BTN3A2: variants seen among roughly 807,000 people sequenced by gnomAD.
BTN3A2 encodes butyrophilin subfamily 3 member A2.
Under a neutral mutation model 37.6 loss-of-function variants are expected in BTN3A2, and 25 were observed. That is an observed-to-expected ratio of 0.66 (90% CI 0.48 to 0.93). The LOEUF (loss-of-function observed/expected upper bound fraction) is 0.93. BTN3A2 is among the 40% of genes least tolerant of loss of function. BTN3A2 has a pLI of 0.00. For missense variants in BTN3A2, 266 were observed against 410.9 expected (o/e 0.65, Z 3.05); for synonymous variants, 122 against 159.4 (o/e 0.77, Z 1.77).
chr6:26,369,718 T>A (rs1044493627), intron 4 of BTN3A2, among the ~76,000 whole-genome samples: 2 of 152,186 alleles, frequency 1.3e-5, no homozygotes, highest in African/African-American at 2.4e-5. Context: ...TGCTCACATA[T>A]GATGTGGGGT....
intron 9 of BTN3A2, 68 bp downstream of exon 9, chr6:26,374,441 C>T: frequency 6.8e-7 from 1 of 1,468,370 alleles, no homozygotes; most frequent in Non-Finnish European, 9.5e-7. Flanking sequence ...TGGATGTTCT[C>T]AGCTGGATTA....
At chr6:26,370,733 C>A in intron 5 of BTN3A2, 130 bp downstream of exon 5, 1 of 1,455,334 alleles carries the variant, frequency 6.9e-7, no homozygotes, top group Non-Finnish European at 9.2e-7. Flanking sequence ...GACCTGGAGG[C>A]TCCTCTTTGT....
chr6:26,373,572 G>C, intron 8 of BTN3A2, 159 bp downstream of exon 8: 1 of 358,942 alleles, frequency 2.8e-6, no homozygotes, highest in Non-Finnish European at 4.6e-6. Context: ...AAACCACCCA[G>C]TGCTTTTTCT....
chr6:26,377,097 C>G lies in BTN3A2; in HGVS notation c.*1335C>G. On this transcript the variant is annotated 3_prime_UTR_variant, in exon 11 of 11. Transcript: ENST00000377708. The stretch of plus-strand genomic sequence containing the variant: ...CACTGCCCTGACCGTTTGCCCAATA[C>G]CAAAAGTAGAGAGTTCCCCCGATCC... The G allele has an allele frequency of 1.5e-6, 2 of 1,332,338 alleles. No homozygotes were observed. The highest frequency in any genetic ancestry group is 2.3e-5 in the South Asian group (2 of 85,240). The allele number at this position is 1,332,338 out of a possible 1,614,324, so 82.5% of individuals were successfully genotyped here. A position where few individuals can be genotyped will look rare whatever the true frequency, so the allele number is the denominator to read the frequency against.
intron 4 of BTN3A2, 77 bp downstream of exon 4, chr6:26,368,989 A>T: frequency 1.1e-6 from 1 of 894,512 alleles, no homozygotes; most frequent in Non-Finnish European, 1.7e-6. Context: ...TTGCAAAAGC[A>T]CTGCAGACAC....
Position 26,365,205 on chromosome 6 carries a change from A to G in BTN3A2, c.-214A>G, listed in dbSNP as rs964303646. The G allele has an allele frequency of 7.3e-5, 85 of 1,159,258 alleles. No individual in the cohort carries two copies. The highest frequency in any genetic ancestry group is 1.1e-4 in the African/African-American group (7 of 64,860). The allele number at this position is 1,159,258 out of a possible 1,614,324, so 71.8% of individuals were successfully genotyped here. On this transcript the variant is annotated 5_prime_UTR_variant, in exon 1 of 11. Transcript: ENST00000377708. The stretch of plus-strand genomic sequence containing the variant: ...CTAATTCTTCCAAAGAGCGACTCTT[A>G]CTGTTTCTCATGGTGAGAAGACAAT...
chr6:26,374,277 C>G, intron 8 of BTN3A2, 50 bp from the exon 9 acceptor site: 2 of 1,164,218 alleles, frequency 1.7e-6, no homozygotes, highest in South Asian at 2.6e-5. Context: ...AAGGGGCCAA[C>G]ACAGAAAAGG....
chr6:26,375,157 G>C (rs1760588245), intron 10 of BTN3A2: 1 of 247,242 alleles, frequency 4.0e-6, no homozygotes, highest in Non-Finnish European at 7.7e-6. Context: ...TGGGGGTTGA[G>C]GTGAAGACTG....
intron 8 of BTN3A2, chr6:26,374,119 C>T (rs541140022): frequency 4.0e-4 from 196 of 485,476 alleles, no homozygotes; most frequent in Non-Finnish European, 6.2e-4. Context: ...AGCGTTCAAC[C>T]GATGTTCCCA....
Position 26,374,326 on chromosome 6 carries a change from G to A in BTN3A2, c.965-1G>A, listed in dbSNP as rs1299775807. 1 of 1,612,902 alleles carries A rather than the reference G, an allele frequency of 6.2e-7. No homozygotes were observed. Among genetic ancestry groups the A allele is most frequent in the Non-Finnish European group, 8.5e-7 (1 of 1,179,640 alleles). ...ACACCTCTACCTTTCTTTCATTGTA[G>A]GTGGAGAGGAGTCTTCGTCCGATAC... On this transcript the variant is annotated splice_acceptor_variant, in intron 8 of 10. Transcript: ENST00000377708. LOFTEE classifies it high-confidence loss of function.
At position 26,376,883 on chromosome 6, in the gene BTN3A2, G is replaced by T. The variant is rs1760746857; in HGVS notation, c.*1121G>T. ...GCCTGACTGATGGGAATAAGTATCG[G>T]GCTCTCACTGAGCCCAGAACCAACC... On this transcript the variant is annotated 3_prime_UTR_variant, in exon 11 of 11. Transcript: ENST00000377708. 2 of 1,613,958 alleles carry T rather than the reference G, an allele frequency of 1.2e-6. No individual in the cohort carries two copies. The highest frequency in any genetic ancestry group is 1.7e-6 in the Non-Finnish European group (2 of 1,179,956).
chr6:26,365,589 A>G (rs1289371602), intron 1 of BTN3A2, among the ~76,000 whole-genome samples: 1 of 152,158 alleles, frequency 6.6e-6, no homozygotes, highest in African/African-American at 2.4e-5. Flanking sequence ...ACTGCAAAGT[A>G]TAAGGAACTG....
At chr6:26,374,620 A>G in intron 9 of BTN3A2, 151 bp from the exon 10 acceptor site, 1 of 974,546 alleles carries the variant, frequency 1.0e-6, no homozygotes, top group South Asian at 1.6e-5. Flanking sequence ...AGAAGGTGCC[A>G]CCTCTGATCC....
At chr6:26,373,529 C>G in intron 8 of BTN3A2, 116 bp downstream of exon 8, 1 of 1,194,440 alleles carries the variant, frequency 8.4e-7, no homozygotes. Context: ...ATCCCTTTAC[C>G]CAGAAAAAGA....
In BTN3A2 at chr6:26,377,516, TGGTGGGTGTCACTCC is replaced by T; in HGVS notation, c.*1755_*1769del. 1 of 320,176 alleles carries T rather than the reference TGGTGGGTGTCACTCC, an allele frequency of 3.1e-6. No homozygotes were observed. Among genetic ancestry groups the T allele is most frequent in the South Asian group, 3.0e-5 (1 of 33,476 alleles). The allele number at this position is 320,176 out of a possible 1,614,324, so 19.8% of individuals were successfully genotyped here. ...GTTCTGAGTGCTGTGTTATGAGCTT[TGGTGGGTGTCACTCC>T]TTTAATCCTCACAACACCCTGTCAG... On this transcript the variant is annotated 3_prime_UTR_variant, in exon 11 of 11. Transcript: ENST00000377708.
chr6:26,374,002 T>G (rs1246804692), intron 8 of BTN3A2: 1 of 265,620 alleles, frequency 3.8e-6, no homozygotes, highest in Non-Finnish European at 7.0e-6. Flanking sequence ...CTTGTACTCC[T>G]AGGCATACAC....
At chr6:26,374,189 A>C in intron 8 of BTN3A2, 138 bp from the exon 9 acceptor site, 2 of 476,734 alleles carry the variant, frequency 4.2e-6, no homozygotes, top group Non-Finnish European at 7.0e-6. Context: ...ACCATGGGGA[A>C]GGGTGGGATG....
chr6:26,374,637 G>T, intron 9 of BTN3A2, 134 bp from the exon 10 acceptor site: 1 of 1,076,018 alleles, frequency 9.3e-7, no homozygotes, highest in Admixed American at 2.3e-5. Context: ...ATCCATCAGA[G>T]CTGTAGAGGA....
rs1760707877 is a variant in BTN3A2, at chr6:26,376,251, C to G, written c.*489C>G. 1 of 154,892 alleles carries G rather than the reference C, an allele frequency of 6.5e-6. No homozygotes were observed. The highest frequency in any genetic ancestry group is 6.6e-5 in the Admixed American group (1 of 15,204). The allele number at this position is 154,892 out of a possible 1,614,324, so 9.6% of individuals were successfully genotyped here. ...AAAAAAAAAAAGAAAAGAAAATTAA[C>G]CTCTGAGTATAAAGCATCAGTGGGC... On this transcript the variant is annotated 3_prime_UTR_variant, in exon 11 of 11. Coordinates refer to ENST00000377708, the MANE Select transcript of BTN3A2 (RefSeq NM_007047.5).
Sources: gnomAD v4.1 joint callset for allele counts (sites outside exome capture counted in the v4.1 genomes callset) on GRCh38, gnomAD v4.1.1 for gene constraint, MANE v1.5 for transcripts, NCBI Gene and HGNC (gene_info 2026-07-23, HGNC 2026-07-21) for gene names.